Variants in MATN2 observed in about 807,000 individuals in gnomAD.
The protein encoded by MATN2 is matrilin-2.
A neutral mutation model predicts 103.2 loss-of-function variants in MATN2; 69 were observed. The observed-to-expected ratio is 0.67, with a 90% confidence interval of 0.55 to 0.82. The LOEUF (loss-of-function observed/expected upper bound fraction) is 0.82, where lower values mean the gene tolerates loss of function less well. MATN2 is among the 40% of genes least tolerant of loss of function. The pLI is 0.00. For synonymous variants in MATN2, 429 were observed against 450.2 expected, an observed-to-expected ratio of 0.95 and a Z score of 0.60; for missense variants, 1,023 against 1,211.5, an observed-to-expected ratio of 0.84 and a Z score of 2.31.
intron 2 of MATN2, among the ~76,000 whole-genome samples, chr8:97,912,641 A>G (rs1230803502): frequency 6.6e-6 from 1 of 152,180 alleles, no homozygotes; most frequent in Non-Finnish European, 1.5e-5. Flanking sequence ...GTGGGCCTGC[A>G]GAGACGTAGG....
Position 97,994,577 on chromosome 8 carries a change from G to C in MATN2, c.1179G>C (p.Leu393=). The change falls in exon 7 of 19, where the codon CTG becomes CTC. Residue 393 remains leucine (L), a synonymous_variant. Transcript: ENST00000254898. ...YSCHCLKGFT[L]NPDKKTCRRI... is the part of the protein sequence containing the mutation. ...GCCACTGCCTGAAAGGCTTTACCCT[G>C]AATCCAGATAAGAAAACCTGCAGAA... The C allele has an allele frequency of 6.2e-7, 1 of 1,613,126 alleles. No homozygotes were observed. Among genetic ancestry groups the C allele is most frequent in the Non-Finnish European group, 8.5e-7 (1 of 1,179,694 alleles).
intron 10 of MATN2, among the ~76,000 whole-genome samples, chr8:98,011,034 C>G (rs757704149): frequency 2.0e-5 from 3 of 152,202 alleles, no homozygotes; most frequent in Non-Finnish European, 4.4e-5. Flanking sequence ...GGCTGGAAGT[C>G]CAGGATCCAG....
Position 98,036,348 on chromosome 8 carries a change from T to C in MATN2, c.*636T>C, listed in dbSNP as rs1204388405. 1.3e-5 allele frequency: 2 copies of C among 152,216 alleles called. No homozygotes were observed. The highest frequency in any genetic ancestry group is 3.8e-4 in the East Asian group (2 of 5,204). 9.4% of individuals were successfully genotyped at this position (152,216 alleles called of 1,614,324 possible). A position where few individuals can be genotyped will look rare whatever the true frequency, so the allele number is the denominator to read the frequency against. ...GAAAATGCAGGTTAAAACAATACCA[T>C]TTTTCACCCATCAGCTTAGCAAAAA... On this transcript the variant is annotated 3_prime_UTR_variant, in exon 19 of 19. Transcript: ENST00000254898.
At chr8:97,928,271 G>A (rs945788639) in intron 2 of MATN2, among the ~76,000 whole-genome samples, 1 of 147,052 alleles carries the variant, frequency 6.8e-6, no homozygotes, top group African/African-American at 2.5e-5. Flanking sequence ...CTGTCACCTG[G>A]GCTGGAGTGC....
At chr8:98,002,075 T>G (rs1812807832) in intron 7 of MATN2, among the ~76,000 whole-genome samples, 1 of 152,176 alleles carries the variant, frequency 6.6e-6, no homozygotes, top group South Asian at 2.1e-4. Flanking sequence ...GCAACACCAG[T>G]CTCATAAAGC....
At chr8:97,941,647 T>C (rs1810572005) in intron 3 of MATN2, 130 bp from the exon 4 acceptor site, 3 of 969,470 alleles carry the variant, frequency 3.1e-6, no homozygotes, top group East Asian at 2.9e-5. Context: ...CCCTTGAGGG[T>C]AGGGACTGCA....
chr8:97,939,044 AT>A (rs879384532), intron 3 of MATN2, among the ~76,000 whole-genome samples: 256 of 142,398 alleles, frequency 1.8e-3, no homozygotes, highest in Admixed American at 1.8e-3. Flanking sequence ...TACTTTTTGT[AT>A]TTTTTTTTTT....
intron 10 of MATN2, among the ~76,000 whole-genome samples, chr8:98,011,894 C>A (rs1813176974): frequency 6.6e-6 from 1 of 152,144 alleles, no homozygotes. Context: ...AGACAGGGAC[C>A]CTAAAGACCC....
chr8:97,891,590 A>G (rs1818632332), intron 2 of MATN2, among the ~76,000 whole-genome samples: 1 of 152,040 alleles, frequency 6.6e-6, no homozygotes, highest in Non-Finnish European at 1.5e-5. Flanking sequence ...CTCCCCCCTC[A>G]GTCTCCCAAA....
chr8:97,953,398 C>T (rs1447292641), intron 4 of MATN2, among the ~76,000 whole-genome samples: 11 of 152,286 alleles, frequency 7.2e-5, no homozygotes, highest in South Asian at 4.1e-4. Context: ...CCCTGCACTT[C>T]GGGAGGCCAG....
At chr8:97,965,898 C>T (rs1007556047) in intron 5 of MATN2, among the ~76,000 whole-genome samples, 19 of 151,988 alleles carry the variant, frequency 1.3e-4, no homozygotes, top group Non-Finnish European at 2.1e-4. Flanking sequence ...GCAGGAGAAT[C>T]GCTTGAACCT....
chr8:97,961,531 G>A lies in MATN2; in HGVS notation c.958+1G>A. On this transcript the variant is annotated splice_donor_variant, in intron 5 of 18. Coordinates refer to ENST00000254898, the MANE Select transcript of MATN2 (RefSeq NM_002380.5). LOFTEE classifies it high-confidence loss of function. ...GCTGAGGATGGGAAGAGGTGTGTGG[G>A]TGAGTATCCCTCCAGCTGGGCTTGG... 1 of 1,610,674 alleles carries A rather than the reference G, an allele frequency of 6.2e-7. No homozygotes were observed. Among genetic ancestry groups the A allele is most frequent in the Non-Finnish European group, 8.5e-7 (1 of 1,178,252 alleles).
rs374356192 is a variant in MATN2 at position 98,018,067 on chromosome 8, C to T, written c.1770C>T (p.Cys590=). 43 of 1,613,748 alleles carry T rather than the reference C, an allele frequency of 2.7e-5. No homozygotes were observed. Among genetic ancestry groups the T allele is most frequent in the Non-Finnish European group, 3.3e-5 (39 of 1,179,796 alleles). The change falls in exon 12 of 19, where the codon TGC becomes TGT. Residue 590 remains cysteine, a synonymous_variant. Transcript: ENST00000254898. ...ICVNSDDSYT[C]ECLEGFRLAE... is the part of the protein sequence containing the mutation. ...TGAACAGTGATGACTCATACACGTG[C>T]GAGTGCTTGGAGGGATTCCGGCTCG...
At chr8:98,020,817 G>T (rs1167746371) in intron 12 of MATN2, among the ~76,000 whole-genome samples, 5 of 152,144 alleles carry the variant, frequency 3.3e-5, no homozygotes, top group Non-Finnish European at 7.4e-5. Flanking sequence ...GTCTCACAGG[G>T]TGTTGTGAGG....
At chr8:97,979,232 T>C (rs1219262698) in intron 6 of MATN2, among the ~76,000 whole-genome samples, 1 of 152,170 alleles carries the variant, frequency 6.6e-6, no homozygotes, top group Non-Finnish European at 1.5e-5. Flanking sequence ...GAAGGCACCA[T>C]GTGTAGGACT....
At chr8:97,870,104 C>G (rs1315472493) in intron 1 of MATN2, among the ~76,000 whole-genome samples, 2 of 152,190 alleles carry the variant, frequency 1.3e-5, no homozygotes, top group African/African-American at 4.8e-5. Flanking sequence ...GGTCAGCCTG[C>G]TTGGGTTTCA....
intron 6 of MATN2, among the ~76,000 whole-genome samples, chr8:97,986,863 C>T (rs781753840): frequency 3.9e-5 from 6 of 152,104 alleles, no homozygotes; most frequent in Non-Finnish European, 7.4e-5. Context: ...GACGGAGTCT[C>T]GCTCTGTGGC....
At chr8:97,944,292 G>T (rs751685650) in intron 4 of MATN2, among the ~76,000 whole-genome samples, 1 of 152,242 alleles carries the variant, frequency 6.6e-6, no homozygotes, top group Admixed American at 6.5e-5. Flanking sequence ...CTCAGGCAGT[G>T]AGGGGTCCCA....
intron 3 of MATN2, among the ~76,000 whole-genome samples, chr8:97,940,206 G>T (rs1810507992): frequency 6.6e-6 from 1 of 152,288 alleles, no homozygotes; most frequent in South Asian, 2.1e-4. Flanking sequence ...TTGGGAGGCT[G>T]ATGTAGGAGA....
Sources: allele counts gnomAD v4.1 joint callset (sites outside exome capture counted in the v4.1 genomes callset), GRCh38; gene constraint gnomAD v4.1.1; transcripts MANE v1.5; gene names NCBI Gene and HGNC (gene_info 2026-07-23, HGNC 2026-07-21).